DAB2IP: variants seen among roughly 807,000 people sequenced by gnomAD.
DAB2IP encodes DAB2 interacting protein, also known as disabled homolog 2-interacting protein.
In DAB2IP, 28 loss-of-function variants were observed where a neutral mutation model predicts 107.2. The ratio of observed to expected loss-of-function variants is 0.26; its 90% CI spans 0.19 to 0.36. DAB2IP has a LOEUF of 0.36. DAB2IP is among the 10% of genes least tolerant of loss of function. The pLI is 1.00. For synonymous variants in DAB2IP, 755 were observed against 706.4 expected (o/e 1.07, Z -1.09); for missense variants, 1,400 against 1,644.7 (o/e 0.85, Z 2.57).
At chr9:121,715,355 T>C (rs1211133077) in intron 3 of DAB2IP, among the ~76,000 whole-genome samples, 2 of 151,148 alleles carry the variant, frequency 1.3e-5, no homozygotes, top group African/African-American at 2.4e-5. Flanking sequence ...TTCTTTCTTT[T>C]TTTTTTTTTT....
intron 1 of DAB2IP, among the ~76,000 whole-genome samples, chr9:121,608,391 A>C (rs1227826609): frequency 3.3e-5 from 5 of 152,060 alleles, no homozygotes; most frequent in Non-Finnish European, 7.4e-5. Context: ...TCCAGGAGGG[A>C]AGCGGGTTGG....
chr9:121,750,675 G>A (rs1047750438), intron 3 of DAB2IP, among the ~76,000 whole-genome samples: 2 of 152,142 alleles, frequency 1.3e-5, no homozygotes, highest in Non-Finnish European at 1.5e-5. Context: ...CCACCCAATA[G>A]TTGGGAACAC....
At position 121,587,391 on chromosome 9, in the gene DAB2IP, T is replaced by G. The variant is rs909861242; in HGVS notation, c.40+20163T>G. ...GGGAGGCTGAGGCGGGCAGATTGCT[T>G]GAGCCCAGGAGTTCAAGACCAGCCT... is the stretch of plus-strand genomic sequence containing the variant. On this transcript the variant is annotated intron_variant, in intron 1 of 16. Coordinates refer to the DAB2IP transcript ENST00000259371. 3.3e-5 allele frequency among the ~76,000 whole-genome samples: 5 copies of G among 152,122 alleles called. No homozygotes were observed. The East Asian group carries it at 7.7e-4, about 23-fold the overall frequency.
intron 1 of DAB2IP, among the ~76,000 whole-genome samples, chr9:121,601,123 A>G (rs895830708): frequency 3.9e-5 from 6 of 152,254 alleles, no homozygotes; most frequent in African/African-American, 1.2e-4. Flanking sequence ...TTCAGAATGT[A>G]CAAGGCTTCT....
Position 121,600,925 on chromosome 9 carries a change from C to A in DAB2IP, c.40+33697C>A, listed in dbSNP as rs75223893. 1.8e-3 allele frequency among the ~76,000 whole-genome samples: 274 copies of A among 152,314 alleles called. 6 individuals are homozygous for A. In the East Asian group the frequency reaches 0.025, roughly 14 times the overall value. ...CGATCTATACCCTGGAGCCTGTGCC[C>A]TCTTGCTGTCTGAGAGAGCCAGCAT... On this transcript the variant is annotated intron_variant, in intron 1 of 16. Transcript: ENST00000259371.
At chr9:121,608,692 A>G (rs1433895821) in intron 1 of DAB2IP, among the ~76,000 whole-genome samples, 1 of 152,238 alleles carries the variant, frequency 6.6e-6, no homozygotes, top group East Asian at 1.9e-4. Context: ...TTCCTGCTGT[A>G]ACAACCATGC....
chr9:121,732,191 C>T (rs1831584700), intron 3 of DAB2IP, among the ~76,000 whole-genome samples: 1 of 152,152 alleles, frequency 6.6e-6, no homozygotes, highest in Non-Finnish European at 1.5e-5. Context: ...TGGGTGTTGC[C>T]TAGTACTTGG....
At chr9:121,601,878 A>G (rs1255565442) in intron 1 of DAB2IP, among the ~76,000 whole-genome samples, 1 of 126,250 alleles carries the variant, frequency 7.9e-6, no homozygotes, top group African/African-American at 3.1e-5. Context: ...TTGCTTGCAT[A>G]CATGCCTTTG....
upstream of DAB2IP, among the ~76,000 whole-genome samples, chr9:121,648,467 C>T (rs886139318): frequency 6.6e-6 from 1 of 151,946 alleles, no homozygotes; most frequent in Non-Finnish European, 1.5e-5. Context: ...GAGGTGGTCG[C>T]TTTTTGACAC....
intron 3 of DAB2IP, among the ~76,000 whole-genome samples, chr9:121,709,097 C>T (rs905687834): frequency 2.6e-5 from 4 of 152,194 alleles, no homozygotes; most frequent in African/African-American, 9.7e-5. Context: ...AGAGCTGGTC[C>T]AAGGCCCAGC....
chr9:121,760,217 C>T lies in DAB2IP; in HGVS notation c.948C>T (p.Pro316=). 2 of 1,613,770 alleles carry T rather than the reference C, an allele frequency of 1.2e-6. No homozygotes were observed. Among genetic ancestry groups the T allele is most frequent in the Non-Finnish European group, 1.7e-6 (2 of 1,180,032 alleles). The change falls in exon 6 of 16, where the codon CCC becomes CCT. Residue 316 remains proline, a synonymous_variant. Transcript: ENST00000408936. The surrounding 1 kb of genome is among the most constrained non-coding windows in gnomAD (Gnocchi z 5.9). ...AGAAGTGGTACCCGGTGGTGACGCC[C>T]AACCCCAAGGGCGGCAAGGGCCCTG... is the stretch of plus-strand genomic sequence containing the variant.
rs1318199397 is a variant in DAB2IP at position 121,684,039 on chromosome 9, C to T, written c.228+5258C>T. ...GGCTGTGAGTGGAGCTAGCAGTAGA[C>T]CTCTGAGCTGTGGACCTCAGGTTTT... On this transcript the variant is annotated intron_variant, in intron 2 of 15. Coordinates refer to ENST00000408936, the Ensembl canonical transcript of DAB2IP. The surrounding 1 kb of genome is among the most constrained non-coding windows in gnomAD (Gnocchi z 4.0). Among the ~76,000 whole-genome samples the T allele has an allele frequency of 3.3e-5, 5 of 152,196 alleles. No homozygotes were observed. Among genetic ancestry groups the T allele is most frequent in the African/African-American group, 9.6e-5 (4 of 41,502 alleles).
At chr9:121,637,802 A>C (rs764217896) in intron 1 of DAB2IP, among the ~76,000 whole-genome samples, 31 of 152,188 alleles carry the variant, frequency 2.0e-4, no homozygotes, top group Admixed American at 3.9e-4. Flanking sequence ...AATTTATATG[A>C]TGGGCTATAA....
At chr9:121,749,635 G>C (rs1455637257) in intron 3 of DAB2IP, among the ~76,000 whole-genome samples, 1 of 152,238 alleles carries the variant, frequency 6.6e-6, no homozygotes, top group Non-Finnish European at 1.5e-5. Flanking sequence ...AGGCAGAGGG[G>C]CTAAAGGGGC....
chr9:121,706,845 C>A (rs1221055128), intron 3 of DAB2IP, among the ~76,000 whole-genome samples: 1 of 152,218 alleles, frequency 6.6e-6, no homozygotes, highest in East Asian at 1.9e-4. Flanking sequence ...CTTGTGGAAG[C>A]CACCAGCGTG....
At chr9:121,755,129 G>A (rs998372353) in intron 3 of DAB2IP, among the ~76,000 whole-genome samples, 2 of 152,196 alleles carry the variant, frequency 1.3e-5, no homozygotes, top group Admixed American at 6.5e-5. Context: ...GCCCACCCAC[G>A]GCACTGGTCA....
intron 14 of DAB2IP, among the ~76,000 whole-genome samples, chr9:121,779,675 G>A (rs553359111): frequency 7.9e-5 from 12 of 152,318 alleles, no homozygotes; most frequent in Admixed American, 2.0e-4. Flanking sequence ...GTGTTGGTGC[G>A]TCACTGCACT....
intron 13 of DAB2IP, among the ~76,000 whole-genome samples, chr9:121,775,993 C>T (rs1021708529): frequency 1.3e-5 from 2 of 152,190 alleles, no homozygotes; most frequent in African/African-American, 2.4e-5. Context: ...AGTGGAGGCC[C>T]CACGGTGGGG....
In DAB2IP at chr9:121,772,108, C is replaced by T. The variant is rs999098371; in HGVS notation, c.2079-499C>T. 1.3e-5 allele frequency among the ~76,000 whole-genome samples: 2 copies of T among 152,128 alleles called. No individual in the cohort carries two copies. The highest frequency in any genetic ancestry group is 2.4e-5 in the African/African-American group (1 of 41,414). The stretch of plus-strand genomic sequence containing the variant: ...CCCGCCTGCCAGTCAAACAAGGGAG[C>T]GGCAGCAGGAGGCTGGGCAAGAGGA... On this transcript the variant is annotated intron_variant, in intron 11 of 15. Transcript: ENST00000408936. This position sits in a 1 kb window ranked among gnomAD's most constrained non-coding sequence, Gnocchi z 4.7.
Sources: gnomAD v4.1 joint callset for allele counts (sites outside exome capture counted in the v4.1 genomes callset) on GRCh38, gnomAD v4.1.1 for gene constraint, Gnocchi (gnomAD v3.1) non-coding constraint, MANE v1.5 for transcripts, NCBI Gene and HGNC (gene_info 2026-07-23, HGNC 2026-07-21) for gene names.